The following DGKI variants were observed in gnomAD, a reference collection of about 807,000 sequenced individuals.
DGKI encodes the protein diacylglycerol kinase iota.
DGKI carries 55 observed loss-of-function variants against 147.5 expected under a neutral mutation model. That is an observed-to-expected ratio of 0.37 (90% CI 0.30 to 0.47). The LOEUF (loss-of-function observed/expected upper bound fraction) is 0.47. DGKI is among the 20% of genes least tolerant of loss of function. The pLI is 1.00. For synonymous variants in DGKI, 469 were observed against 477.1 expected, an observed-to-expected ratio of 0.98 and a Z score of 0.22; for missense variants, 1,007 against 1,323.8, an observed-to-expected ratio of 0.76 and a Z score of 3.71.
chr7:137,515,374 A>C (rs953385124), intron 21 of DGKI, among the ~76,000 whole-genome samples: 1 of 151,712 alleles, frequency 6.6e-6, no homozygotes, highest in Non-Finnish European at 1.5e-5. Context: ...TACTAGAAAT[A>C]CTTGAAATAG....
chr7:137,415,689 C>T (rs1812332254), intron 28 of DGKI, among the ~76,000 whole-genome samples: 1 of 152,150 alleles, frequency 6.6e-6, no homozygotes, highest in Admixed American at 6.6e-5. Flanking sequence ...CAAAACATAG[C>T]CTATGTTCTC....
At chr7:137,653,150 G>C (rs890347791) in intron 5 of DGKI, among the ~76,000 whole-genome samples, 1 of 152,170 alleles carries the variant, frequency 6.6e-6, no homozygotes, top group Non-Finnish European at 1.5e-5. Context: ...GTGTGCGCGC[G>C]CGTGCGCGCA....
At chr7:137,723,638 T>A (rs1227417051) in intron 1 of DGKI, among the ~76,000 whole-genome samples, 1 of 150,202 alleles carries the variant, frequency 6.7e-6, no homozygotes, top group Non-Finnish European at 1.5e-5. Flanking sequence ...ACAGCAGTGA[T>A]GAAGAACAAG....
chr7:137,552,698 C>G, intron 19 of DGKI, 130 bp from the exon 20 acceptor site: 1 of 834,982 alleles, frequency 1.2e-6, no homozygotes, highest in Non-Finnish European at 1.9e-6. Flanking sequence ...CACCGGTGGT[C>G]AGGAGTTCCA....
At chr7:137,712,583 T>A (rs2116573218) in intron 1 of DGKI, among the ~76,000 whole-genome samples, 1 of 152,288 alleles carries the variant, frequency 6.6e-6, no homozygotes, top group African/African-American at 2.4e-5. Context: ...ACACACTACA[T>A]CTCTCCCAAT....
intron 8 of DGKI, 58 bp downstream of exon 8, chr7:137,619,766 A>T (rs1263460140): frequency 7.5e-7 from 1 of 1,333,026 alleles, no homozygotes. Flanking sequence ...GAAAAGCACG[A>T]AGCAGCAGTT....
At chr7:137,399,512 A>G (rs1309216901) in intron 30 of DGKI, among the ~76,000 whole-genome samples, 1 of 152,216 alleles carries the variant, frequency 6.6e-6, no homozygotes, top group Non-Finnish European at 1.5e-5. Flanking sequence ...TCCCAGCTCT[A>G]TATAGACTAG....
intron 1 of DGKI, among the ~76,000 whole-genome samples, chr7:137,709,731 G>GA (rs1398663561): frequency 1.3e-5 from 2 of 151,792 alleles, no homozygotes; most frequent in East Asian, 3.9e-4. Context: ...ACAGGAGAAT[G>GA]AAAAAGAATC....
chr7:137,680,096 C>G (rs926630210), intron 2 of DGKI, among the ~76,000 whole-genome samples: 1 of 151,812 alleles, frequency 6.6e-6, no homozygotes, highest in African/African-American at 2.4e-5. Context: ...GGGGGTGGAG[C>G]CCTCATAATG....
rs148456370 is a variant in DGKI at position 137,598,783 on chromosome 7, A to C, written c.1251-876T>G. Among the ~76,000 whole-genome samples the C allele has an allele frequency of 1.4e-4, 22 of 152,254 alleles. No individual in the cohort carries two copies. In the East Asian group the frequency reaches 3.9e-3, roughly 27 times the overall value. ...GTCTAACTAAAGTGATAAAATCTTA[A>C]GAAAAATAAGCTCCTAAAATGGCAC... On this transcript the variant is annotated intron_variant, in intron 11 of 32. Transcript: ENST00000614521.
intron 18 of DGKI, 75 bp from the exon 19 acceptor site, chr7:137,571,361 G>T: frequency 1.0e-6 from 1 of 1,004,052 alleles, no homozygotes; most frequent in Non-Finnish European, 1.5e-6. Flanking sequence ...TTAGTTTGTA[G>T]TTAGACCCAA....
intron 20 of DGKI, among the ~76,000 whole-genome samples, chr7:137,545,109 G>C (rs1318367557): frequency 2.0e-5 from 3 of 152,200 alleles, no homozygotes; most frequent in Non-Finnish European, 2.9e-5. Context: ...CCTTGGGCAA[G>C]TTACTTAACC....
At chr7:137,488,837 AATG>A (rs1409107659) in intron 21 of DGKI, among the ~76,000 whole-genome samples, 2 of 152,140 alleles carry the variant, frequency 1.3e-5, no homozygotes, top group Non-Finnish European at 2.9e-5. Context: ...TAAACAAAAA[AATG>A]ATAAGTATAA....
chr7:137,536,539 T>G (rs1585208650), intron 20 of DGKI, among the ~76,000 whole-genome samples: 1 of 152,170 alleles, frequency 6.6e-6, no homozygotes, highest in Non-Finnish European at 1.5e-5. Flanking sequence ...ATGTTACAGA[T>G]TTTTGGAGGG....
At chr7:137,618,250 A>C (rs1220559666) in intron 8 of DGKI, among the ~76,000 whole-genome samples, 1 of 144,260 alleles carries the variant, frequency 6.9e-6, no homozygotes, top group Non-Finnish European at 1.5e-5. Flanking sequence ...AAATTCCTCC[A>C]CAGTCAGGCC....
intron 12 of DGKI, among the ~76,000 whole-genome samples, chr7:137,595,592 T>C (rs1819759583): frequency 6.6e-6 from 1 of 152,214 alleles, no homozygotes; most frequent in Non-Finnish European, 1.5e-5. Context: ...CTTGGCTCTC[T>C]TTCCTCTTTA....
At chr7:137,740,274 A>C (rs1035015287) in intron 1 of DGKI, among the ~76,000 whole-genome samples, 2 of 152,170 alleles carry the variant, frequency 1.3e-5, no homozygotes, top group Admixed American at 1.3e-4. Context: ...TCTGTCTGTC[A>C]ATTTTGATTT....
At chr7:137,747,293 T>C (rs1313383881) in intron 1 of DGKI, among the ~76,000 whole-genome samples, 3 of 152,180 alleles carry the variant, frequency 2.0e-5, no homozygotes, top group Non-Finnish European at 4.4e-5. Flanking sequence ...TGACTAGATC[T>C]GCACAACAAA....
intron 6 of DGKI, among the ~76,000 whole-genome samples, chr7:137,628,608 T>C (rs1246977981): frequency 1.3e-5 from 2 of 152,302 alleles, no homozygotes; most frequent in African/African-American, 2.4e-5. Flanking sequence ...CAACCGACTC[T>C]GTGATTTTTA....
Sources: gnomAD v4.1 joint callset for allele counts (sites outside exome capture counted in the v4.1 genomes callset) on GRCh38, gnomAD v4.1.1 for gene constraint, MANE v1.5 for transcripts, NCBI Gene and HGNC (gene_info 2026-07-23, HGNC 2026-07-21) for gene names.